The following DHRS1 variants were observed in gnomAD, a reference collection of about 807,000 sequenced individuals.
The protein encoded by DHRS1 is dehydrogenase/reductase SDR family member 1.
Under a neutral mutation model 35.2 loss-of-function variants are expected in DHRS1, and 34 were observed. That is an observed-to-expected ratio of 0.97 (90% confidence interval 0.74 to 1.29). DHRS1 has a LOEUF of 1.29. Ranked by LOEUF, DHRS1 falls within the 50% of genes most tolerant of loss-of-function variation. DHRS1 has a pLI of 0.00. For synonymous variants in DHRS1, 133 were observed against 160.0 expected (o/e 0.83, Z 1.27); for missense variants, 354 against 403.6 (o/e 0.88, Z 1.05).
At chr14:24,298,326 AC>A (rs1213261233) in intron 2 of DHRS1, among the ~76,000 whole-genome samples, 3 of 152,240 alleles carry the variant, frequency 2.0e-5, no homozygotes, top group African/African-American at 7.2e-5. Flanking sequence ...TGCTGGGACT[AC>A]AGGCATGAGC....
Position 24,292,003 on chromosome 14 carries a change from G to A in DHRS1, c.654+181C>T, listed in dbSNP as rs1253051082. The A allele has an allele frequency of 1.9e-5, 15 of 779,624 alleles. No individual in the cohort carries two copies. In the African/African-American group the frequency reaches 2.6e-4, roughly 14 times the overall value. The allele number at this position is 779,624 out of a possible 1,614,324, so 48.3% of individuals were successfully genotyped here. A position where few individuals can be genotyped will look rare whatever the true frequency, so the allele number is the denominator to read the frequency against. ...CTAAACCTCTCTGGGTTTCAGTTTT[G>A]CCATCTGTAGAATGGAGCTGGTATC... On this transcript the variant is annotated intron_variant, in intron 6 of 8. Coordinates refer to ENST00000288111, the MANE Select transcript of DHRS1 (RefSeq NM_001136050.3).
chr14:24,297,745 C>A (rs892717121), intron 2 of DHRS1, among the ~76,000 whole-genome samples: 2 of 152,196 alleles, frequency 1.3e-5, no homozygotes, highest in African/African-American at 4.8e-5. Flanking sequence ...CTTGCATTAT[C>A]TCACACATCT....
Position 24,299,717 on chromosome 14 carries a change from G to A in DHRS1, c.-161C>T. The A allele has an allele frequency of 2.0e-6, 1 of 507,594 alleles. No homozygotes were observed. The highest frequency in any genetic ancestry group is 3.5e-6 in the Non-Finnish European group (1 of 288,810). The allele number at this position is 507,594 out of a possible 1,614,324, so 31.4% of individuals were successfully genotyped here. ...GTAGTAGGACCCGGGGCGATTCTGT[G>A]CTGAGGTAGAGGGGCAGAGTCCCAG... On this transcript the variant is annotated 5_prime_UTR_variant, in exon 1 of 9. Coordinates refer to ENST00000288111, the MANE Select transcript of DHRS1 (RefSeq NM_001136050.3).
Position 24,299,043 on chromosome 14 carries a change from C to G in DHRS1, c.64G>C (p.Gly22Arg). ...GCTTTGCAGAGCTGCAAGGCAATGCCACGGCCAATACCCCTGGAGGCACCA... is the reference window on the plus strand; with the variant it reads ...GCTTTGCAGAGCTGCAAGGCAATGCGACGGCCAATACCCCTGGAGGCACCA... ...VTGASRGIGR[G>R]IALQLCKAGA... Residue 22 changes from glycine to arginine, a missense_variant, in exon 2 of 9, where the codon GGC becomes CGC. Transcript: ENST00000288111. 6.2e-7 allele frequency: 1 copy of G among 1,614,112 alleles called. No individual in the cohort carries two copies. The highest frequency in any genetic ancestry group is 8.5e-7 in the Non-Finnish European group (1 of 1,179,968).
At chr14:24,295,830 A>G (rs2041239774) in intron 4 of DHRS1, among the ~76,000 whole-genome samples, 2 of 152,208 alleles carry the variant, frequency 1.3e-5, no homozygotes, top group Admixed American at 6.5e-5. Flanking sequence ...GGGTGTTCTT[A>G]CATGCTTTAG....
chr14:24,299,704 G>A lies in DHRS1; in HGVS notation c.-148C>T. 2.2e-5 allele frequency: 10 copies of A among 461,794 alleles called. No homozygotes were observed. Among genetic ancestry groups the A allele is most frequent in the Middle Eastern group, 5.7e-4 (1 of 1,760 alleles). The allele number at this position is 461,794 out of a possible 1,614,324, so 28.6% of individuals were successfully genotyped here. ...AAGGATTGATTCTGTAGTAGGACCC[G>A]GGGCGATTCTGTGCTGAGGTAGAGG... On this transcript the variant is annotated 5_prime_UTR_variant, in exon 1 of 9. Coordinates refer to ENST00000288111, the MANE Select transcript of DHRS1 (RefSeq NM_001136050.3).
chr14:24,299,073 C>T lies in DHRS1; in HGVS notation c.34G>A (p.Val12Met), dbSNP rs745900117. The change falls in exon 2 of 9, where the codon GTG (valine) becomes ATG (methionine). Residue 12 changes from valine to methionine, a missense_variant. Physicochemically the swap from Val to Met is conservative, Grantham distance 21 (BLOSUM62 1). Transcript: ENST00000288111. ...CCAATACCCCTGGAGGCACCAGTCA[C>T]CACACACACTTGGCCATTCATGGGA... The part of the protein sequence containing the change: ...AAPMNGQVCV[V>M]TGASRGIGRG... 1 of 1,613,964 alleles carries T rather than the reference C, an allele frequency of 6.2e-7. No homozygotes were observed. Among genetic ancestry groups the T allele is most frequent in the Admixed American group, 1.7e-5 (1 of 60,022 alleles).
intron 4 of DHRS1, among the ~76,000 whole-genome samples, chr14:24,295,767 A>G (rs1287593490): frequency 6.6e-6 from 1 of 152,182 alleles, no homozygotes; most frequent in Non-Finnish European, 1.5e-5. Flanking sequence ...TCACAATTGC[A>G]TTCTAATCCT....
At chr14:24,293,461 C>G (rs1366432856) in intron 4 of DHRS1, 1 of 151,946 alleles carries the variant, frequency 6.6e-6, no homozygotes, top group Non-Finnish European at 1.5e-5. Flanking sequence ...ATAGTCCCAG[C>G]TACTCGGGAG....
rs1339254769 is a variant in DHRS1 at position 24,290,975 on chromosome 14, A to T, written c.826T>A (p.Leu276Met). 41 of 1,614,012 alleles carry T rather than the reference A, an allele frequency of 2.5e-5. No individual in the cohort carries two copies. The highest frequency in any genetic ancestry group is 3.5e-5 in the Non-Finnish European group (41 of 1,180,040). Residue 276 changes from leucine to methionine, a missense_variant, in exon 9 of 9, where the codon TTG becomes ATG. Physicochemically the swap from Leu to Met is conservative, Grantham distance 15. Coordinates refer to ENST00000288111, the MANE Select transcript of DHRS1 (RefSeq NM_001136050.3). ...DVDGRPVQDY[L>M]SLSSVLSHVS... The stretch of plus-strand genomic sequence containing the variant: ...TGTGAGAGAACAGAGCTCAAAGACA[A>T]ATAGTCTTGGACGGGGCGGCCTGGG...
At chr14:24,291,504 C>T (rs1003534757) in intron 7 of DHRS1, 52 bp downstream of exon 7, 1 of 1,569,500 alleles carries the variant, frequency 6.4e-7, no homozygotes, top group Admixed American at 1.7e-5. Context: ...GATGCTACCG[C>T]ACTACACATC....
intron 5 of DHRS1, 38 bp from the exon 6 acceptor site, chr14:24,292,368 C>G (rs2041174606): frequency 1.9e-6 from 3 of 1,611,408 alleles, no homozygotes; most frequent in South Asian, 1.1e-5. Context: ...AGCCACCTAG[C>G]CATGTCACTT....
chr14:24,299,228 G>C, intron 1 of DHRS1, 98 bp from the exon 2 acceptor site: 1 of 1,173,540 alleles, frequency 8.5e-7, no homozygotes, highest in Non-Finnish European at 1.2e-6. Flanking sequence ...GGGCTAAGAG[G>C]AGGAGCCAAG....
At position 24,292,788 on chromosome 14, in the gene DHRS1, G is replaced by T. The variant is rs188396752; in HGVS notation, c.375-4C>A. ...CACTGAGCAAAAGTAGTGGCCTCTA[G>T]AAGGTGGGGCAAGGGAAGAAGGAAT... On this transcript the variant is annotated splice_region_variant and splice_polypyrimidine_tract_variant and intron_variant, in intron 4 of 8. Coordinates refer to ENST00000288111, the MANE Select transcript of DHRS1 (RefSeq NM_001136050.3). 4,068 of 1,610,078 alleles carry T rather than the reference G, an allele frequency of 2.5e-3. 53 individuals are homozygous for T. In the Admixed American group the frequency reaches 0.028, roughly 11 times the overall value.
At chr14:24,298,728 T>G (rs567588151) in intron 2 of DHRS1, 1 of 494,584 alleles carries the variant, frequency 2.0e-6, no homozygotes, top group East Asian at 3.8e-5. Flanking sequence ...TGCAGGAACG[T>G]GCCACCATGC....
intron 4 of DHRS1, chr14:24,294,047 G>A (rs1304812856): frequency 6.6e-6 from 1 of 152,090 alleles, no homozygotes; most frequent in Non-Finnish European, 1.5e-5. Flanking sequence ...GGGGAATTGG[G>A]TCTCTGCCTC....
chr14:24,298,990 G>A lies in DHRS1; in HGVS notation c.117C>T (p.Arg39=), dbSNP rs771060650. The A allele has an allele frequency of 6.2e-6, 10 of 1,613,046 alleles. No homozygotes were observed. Among genetic ancestry groups the A allele is most frequent in the Non-Finnish European group, 8.5e-6 (10 of 1,179,222 alleles). Residue 39 remains arginine, a synonymous_variant, in exon 2 of 9, where the codon CGC becomes CGT. Coordinates refer to ENST00000288111, the MANE Select transcript of DHRS1 (RefSeq NM_001136050.3). The part of the protein sequence containing the change: ...KAGATVYITG[R]HLDTLRVVAQ... The stretch of plus-strand genomic sequence containing the variant: ...CAACAACGCGAAGGGTGTCCAGATG[G>A]CGGCCAGTGATGTAAACTGTGGCGC...
chr14:24,298,733 C>T (rs191294922), intron 2 of DHRS1: 193 of 522,800 alleles, frequency 3.7e-4, no homozygotes, highest in African/African-American at 3.6e-3. Context: ...GAACGTGCCA[C>T]CATGCCTGGC....
In DHRS1 at chr14:24,299,093, A is replaced by G. The variant is rs200356670; in HGVS notation, c.14T>C (p.Met5Thr). The G allele has an allele frequency of 6.9e-5, 112 of 1,613,310 alleles. 2 individuals are homozygous for G. In the East Asian group the frequency reaches 2.2e-3, roughly 32 times the overall value. The stretch of plus-strand genomic sequence containing the variant: ...AGTCACCACACACACTTGGCCATTC[A>G]TGGGAGCTGCCATGACTCACAGGCA... MAAPMNGQVCVVTGA... is the reference protein window; with the variant it reads MAAPTNGQVCVVTGA... Residue 5 changes from methionine to threonine, a missense_variant, in exon 2 of 9, where the codon ATG becomes ACG. By Grantham distance (81) the Met-to-Thr change is moderately conservative. Transcript: ENST00000288111.
Sources: gnomAD v4.1 joint callset for allele counts (sites outside exome capture counted in the v4.1 genomes callset) on GRCh38, gnomAD v4.1.1 for gene constraint, MANE v1.5 for transcripts, NCBI Gene and HGNC (gene_info 2026-07-23, HGNC 2026-07-21) for gene names.